PEX7: variants seen among roughly 807,000 people sequenced by gnomAD.
The protein encoded by PEX7 is PTS2 receptor.
PEX7 carries 34 observed loss-of-function variants against 47.5 expected under a neutral mutation model. The ratio of observed to expected loss-of-function variants is 0.72; its 90% confidence interval spans 0.54 to 0.95. The LOEUF is 0.95. PEX7 is among the 40% of genes least tolerant of loss of function. The probability of loss-of-function intolerance (pLI) is 0.00; values close to 1 mark genes in which losing one functional copy is unlikely to be tolerated. For synonymous variants in PEX7, 141 were observed against 148.8 expected (o/e 0.95, Z 0.38); for missense variants, 394 against 400.3 (o/e 0.98, Z 0.13).
intron 9 of PEX7, among the ~76,000 whole-genome samples, chr6:136,905,734 C>T (rs1166830190): frequency 6.6e-6 from 1 of 152,142 alleles, no homozygotes; most frequent in East Asian, 1.9e-4. Context: ...CCCCTTAAAG[C>T]TGTTGTATAA....
intron 1 of PEX7, 36 bp from the exon 2 acceptor site, chr6:136,825,178 G>A (rs373960146): frequency 1.1e-5 from 18 of 1,570,752 alleles, no homozygotes; most frequent in Non-Finnish European, 1.6e-5. Context: ...ACCCTGGCAG[G>A]TTCAAAGGGA....
intron 8 of PEX7, among the ~76,000 whole-genome samples, chr6:136,885,907 C>T (rs896686321): frequency 2.0e-5 from 3 of 152,188 alleles, no homozygotes; most frequent in African/African-American, 7.2e-5. Context: ...TCAGTTTCCC[C>T]ATCCCTGTAA....
Position 136,900,775 on chromosome 6 carries a change from C to T in PEX7, c.903+2534C>T. The T allele has an allele frequency of 3.0e-6, 1 of 337,656 alleles. No individual in the cohort carries two copies. Among genetic ancestry groups the T allele is most frequent in the Non-Finnish European group, 5.7e-6 (1 of 176,536 alleles). The allele number at this position is 337,656 out of a possible 1,614,324, so 20.9% of individuals were successfully genotyped here. A position where few individuals can be genotyped will look rare whatever the true frequency, so the allele number is the denominator to read the frequency against. On this transcript the variant is annotated intron_variant, in intron 9 of 9. Coordinates refer to ENST00000318471, the MANE Select transcript of PEX7 (RefSeq NM_000288.4). This position sits in a 1 kb window ranked among gnomAD's most constrained non-coding sequence, Gnocchi z 4.2. ...AACCCCAGCTTGAAGGACAGGTGGT[C>T]TCTTAGTGGGGACATCCCCTTTGCC...
chr6:136,837,138 A>T (rs1177663498), intron 3 of PEX7, among the ~76,000 whole-genome samples: 1 of 152,082 alleles, frequency 6.6e-6, no homozygotes, highest in Non-Finnish European at 1.5e-5. Context: ...AGGTGGGCGG[A>T]TCACAGGGTC....
chr6:136,844,378 A>G (rs1437623252), intron 3 of PEX7, among the ~76,000 whole-genome samples: 1 of 152,124 alleles, frequency 6.6e-6, no homozygotes, highest in East Asian at 1.9e-4. Flanking sequence ...TTTGGAAAAA[A>G]AAAAAGAAAA....
At chr6:136,863,339 G>A (rs576001423) in intron 5 of PEX7, among the ~76,000 whole-genome samples, 2 of 151,990 alleles carry the variant, frequency 1.3e-5, no homozygotes, top group Admixed American at 6.6e-5. Flanking sequence ...TCCTTAGCTA[G>A]GTCCAAAAAT....
chr6:136,858,046 G>A (rs1156753280), intron 5 of PEX7, among the ~76,000 whole-genome samples: 2 of 152,166 alleles, frequency 1.3e-5, no homozygotes, highest in Non-Finnish European at 2.9e-5. Context: ...GAACTCCTGG[G>A]CTCAAGCAAT....
intron 8 of PEX7, among the ~76,000 whole-genome samples, chr6:136,881,794 C>G (rs989729587): frequency 6.6e-6 from 1 of 152,166 alleles, no homozygotes; most frequent in East Asian, 1.9e-4. Context: ...ACTTTTCTCT[C>G]CACTGTTAAA....
At chr6:136,836,658 C>T (rs1399174095) in intron 3 of PEX7, among the ~76,000 whole-genome samples, 3 of 151,998 alleles carry the variant, frequency 2.0e-5, no homozygotes, top group African/African-American at 7.2e-5. Context: ...GTCTAATGAA[C>T]AAAAATAATT....
In PEX7 at chr6:136,846,150, C is replaced by T; in HGVS notation, c.495C>T (p.Pro165=). 3.1e-6 allele frequency: 5 copies of T among 1,612,788 alleles called. No individual in the cohort carries two copies. The highest frequency in any genetic ancestry group is 4.2e-6 in the Non-Finnish European group (5 of 1,179,012). ...TTATTTATAGCACAATCTGGTCTCC[C>T]CACATCCCTGGTTGTTTTGCTTCAG... ...ESIIYSTIWS[P]HIPGCFASAS... Residue 165 remains proline, a synonymous_variant, in exon 5 of 10, where the codon CCC becomes CCT. Transcript: ENST00000318471.
At chr6:136,827,457 G>T (rs1265145671) in intron 3 of PEX7, among the ~76,000 whole-genome samples, 2 of 151,724 alleles carry the variant, frequency 1.3e-5, no homozygotes, top group Non-Finnish European at 2.9e-5. Context: ...AATCTCTACA[G>T]AACAGTATGT....
chr6:136,899,803 A>G (rs1314623619), intron 9 of PEX7, among the ~76,000 whole-genome samples: 1 of 152,240 alleles, frequency 6.6e-6, no homozygotes, highest in African/African-American at 2.4e-5. Context: ...AAGAGAAAAA[A>G]CTGAAATAGT....
At chr6:136,904,800 C>T (rs1775816964) in intron 9 of PEX7, among the ~76,000 whole-genome samples, 1 of 152,084 alleles carries the variant, frequency 6.6e-6, no homozygotes, top group Non-Finnish European at 1.5e-5. Flanking sequence ...TGAAAATGGA[C>T]TAATACATAC....
chr6:136,845,930 C>T (rs982273777), intron 4 of PEX7, 143 bp from the exon 5 acceptor site: 2 of 683,158 alleles, frequency 2.9e-6, no homozygotes, highest in Non-Finnish European at 5.2e-6. Context: ...TATATCAAAA[C>T]AGATCTTTAA....
At chr6:136,879,126 G>A (rs1226206886) in intron 8 of PEX7, among the ~76,000 whole-genome samples, 1 of 151,580 alleles carries the variant, frequency 6.6e-6, no homozygotes, top group Admixed American at 6.6e-5. Flanking sequence ...GTTAGAACAT[G>A]CAACATGTAA....
chr6:136,832,097 A>G (rs1337178636), intron 3 of PEX7, among the ~76,000 whole-genome samples: 3 of 152,266 alleles, frequency 2.0e-5, no homozygotes, highest in African/African-American at 7.2e-5. Context: ...CCCTTGCAGC[A>G]GACTTCTGCC....
intron 8 of PEX7, among the ~76,000 whole-genome samples, chr6:136,876,593 G>A (rs1311163123): frequency 4.6e-5 from 7 of 152,102 alleles, no homozygotes; most frequent in Admixed American, 6.5e-5. Flanking sequence ...CGCGGTGTTC[G>A]GTTTTCTGTT....
chr6:136,907,282 A>AT (rs1259420162), intron 9 of PEX7, among the ~76,000 whole-genome samples: 2 of 152,128 alleles, frequency 1.3e-5, no homozygotes, highest in Admixed American at 6.6e-5. Flanking sequence ...AATGAAAAGG[A>AT]TTTTTTTAGT....
At chr6:136,897,783 A>G (rs967925542) in intron 8 of PEX7, among the ~76,000 whole-genome samples, 3 of 152,206 alleles carry the variant, frequency 2.0e-5, no homozygotes, top group Non-Finnish European at 2.9e-5. Context: ...ATAGCCATGA[A>G]TGCTTTTAGA....
Sources: allele counts gnomAD v4.1 joint callset (sites outside exome capture counted in the v4.1 genomes callset), GRCh38; gene constraint gnomAD v4.1.1; non-coding constraint Gnocchi (gnomAD v3.1); transcripts MANE v1.5; gene names NCBI Gene and HGNC (gene_info 2026-07-23, HGNC 2026-07-21).